ZC3H12B: variants seen among roughly 807,000 people sequenced by gnomAD.
ZC3H12B encodes the protein probable ribonuclease ZC3H12B.
Under a neutral mutation model 43.9 loss-of-function variants are expected in ZC3H12B, and 7 were observed. That is an observed-to-expected ratio of 0.16 (90% CI 0.09 to 0.30). The LOEUF is 0.30. ZC3H12B is among the 10% of genes least tolerant of loss of function. The probability of loss-of-function intolerance (pLI) is 1.00; values close to 1 mark genes in which losing one functional copy is unlikely to be tolerated. For synonymous variants in ZC3H12B, 222 were observed against 241.7 expected (o/e 0.92, Z 0.76); for missense variants, 475 against 670.2 (o/e 0.71, Z 3.22).
the ZC3H12B span, among the ~76,000 whole-genome samples, chrX:65,269,190 C>A: frequency 9.1e-6 from 1 of 109,776 alleles, no homozygotes; most frequent in South Asian, 3.9e-4. Flanking sequence ...ACTAAAAATA[C>A]AAAAATTAGC....
the ZC3H12B span, among the ~76,000 whole-genome samples, chrX:65,154,881 T>G: frequency 4.5e-5 from 5 of 111,785 alleles, no homozygotes; most frequent in Non-Finnish European, 3.8e-5. Context: ...TATTTCACCA[T>G]TAAGTAATGA....
the ZC3H12B span, chrX:65,357,026 T>C: frequency 4.1e-5 from 23 of 565,532 alleles, no homozygotes; most frequent in Non-Finnish European, 3.1e-6. Flanking sequence ...GGACCTAAAA[T>C]GAAAGTTCCA....
chrX:65,109,950 G>T, the ZC3H12B span, among the ~76,000 whole-genome samples: 1 of 111,364 alleles, frequency 9.0e-6, no homozygotes, highest in Non-Finnish European at 1.9e-5. Flanking sequence ...CAATGATGCT[G>T]AGCATCTTTT....
chrX:65,465,206 C>A (rs925124605), intron 3 of ZC3H12B, among the ~76,000 whole-genome samples: 1 of 110,870 alleles, frequency 9.0e-6, no homozygotes, highest in African/African-American at 3.3e-5. Flanking sequence ...GTATTAAAGA[C>A]CTCAAATATT....
At chrX:65,488,708 A>T, upstream of ZC3H12B, 1 of 1,045,567 alleles carries the variant, frequency 9.6e-7, no homozygotes, top group Non-Finnish European at 1.3e-6. Context: ...CGCTACCACG[A>T]CATTTTACTA....
chrX:65,059,219 A>ACCCCCCCCCC, the ZC3H12B span, among the ~76,000 whole-genome samples: 21 of 38,450 alleles, frequency 5.5e-4, no homozygotes, highest in Non-Finnish European at 8.3e-4. Flanking sequence ...TCTTGGAACC[A>ACCCCCCCCCC]CCCCCCCCCC....
chrX:65,445,257 T>C (rs1476581406), intron 3 of ZC3H12B, among the ~76,000 whole-genome samples: 1 of 112,293 alleles, frequency 8.9e-6, no homozygotes, highest in Non-Finnish European at 1.9e-5. Context: ...TGGATTGTCT[T>C]GATGCTTGAG....
At chrX:65,444,880 T>C (rs1002074086) in intron 3 of ZC3H12B, among the ~76,000 whole-genome samples, 1 of 111,699 alleles carries the variant, frequency 9.0e-6, no homozygotes, top group South Asian at 3.8e-4. Flanking sequence ...TTGCCATACT[T>C]TGTTGTTTTT....
chrX:65,435,773 C>T (rs1202564796), intron 3 of ZC3H12B, among the ~76,000 whole-genome samples: 1 of 111,354 alleles, frequency 9.0e-6, no homozygotes, highest in East Asian at 2.8e-4. Context: ...AGAAGTTCCA[C>T]AGTATACTGT....
the ZC3H12B span, among the ~76,000 whole-genome samples, chrX:65,242,410 G>C: frequency 9.0e-6 from 1 of 111,301 alleles, no homozygotes; most frequent in Admixed American, 9.6e-5. Flanking sequence ...ATAAAATAAA[G>C]TACCTAGAAA....
At chrX:65,074,674 TC>T in the ZC3H12B span, among the ~76,000 whole-genome samples, 1 of 112,158 alleles carries the variant, frequency 8.9e-6, no homozygotes, top group Non-Finnish European at 1.9e-5. Context: ...TGTTTTTGTT[TC>T]TCTGACTAAT....
chrX:65,281,388 G>C, the ZC3H12B span, among the ~76,000 whole-genome samples: 1 of 110,136 alleles, frequency 9.1e-6, no homozygotes, highest in African/African-American at 3.3e-5. Flanking sequence ...GTGTGATCTG[G>C]CTGATTTTTG....
intron 3 of ZC3H12B, among the ~76,000 whole-genome samples, chrX:65,448,085 A>T (rs189244526): frequency 9.0e-6 from 1 of 110,873 alleles, no homozygotes; most frequent in East Asian, 2.8e-4. Flanking sequence ...ACAAAAAAAA[A>T]TTAGCCGGGT....
the ZC3H12B span, among the ~76,000 whole-genome samples, chrX:65,320,434 A>G: frequency 8.9e-6 from 1 of 112,157 alleles, no homozygotes; most frequent in South Asian, 3.6e-4. Flanking sequence ...ATGCTCATGG[A>G]TAGGGAGAAT....
the ZC3H12B span, among the ~76,000 whole-genome samples, chrX:65,118,528 T>A: frequency 6.3e-5 from 7 of 111,654 alleles, no homozygotes; most frequent in Admixed American, 3.8e-4. Context: ...TTTGACTTCC[T>A]CTTTTCCTAA....
At chrX:65,454,338 C>T (rs190270441) in intron 3 of ZC3H12B, among the ~76,000 whole-genome samples, 1 of 112,563 alleles carries the variant, frequency 8.9e-6, no homozygotes, top group African/African-American at 3.2e-5. Flanking sequence ...TTATATCCCA[C>T]GCCTGGCTCG....
intron 3 of ZC3H12B, among the ~76,000 whole-genome samples, chrX:65,432,164 C>T (rs947326663): frequency 1.8e-5 from 2 of 111,696 alleles, no homozygotes; most frequent in Non-Finnish European, 3.8e-5. Flanking sequence ...CAGCTGGTCA[C>T]ATATATGCCA....
intron 3 of ZC3H12B, among the ~76,000 whole-genome samples, chrX:65,422,688 C>T (rs1458528842): frequency 9.1e-6 from 1 of 110,287 alleles, no homozygotes; most frequent in African/African-American, 3.3e-5. Flanking sequence ...CTCCCTTTGC[C>T]CCTCACTCCT....
At chrX:65,244,884 A>T in the ZC3H12B span, among the ~76,000 whole-genome samples, 3 of 111,162 alleles carry the variant, frequency 2.7e-5, no homozygotes, top group Non-Finnish European at 5.7e-5. Flanking sequence ...CAAACTTTTC[A>T]GTGTTTTACC....
Sources: allele counts gnomAD v4.1 joint callset (sites outside exome capture counted in the v4.1 genomes callset), GRCh38; gene constraint gnomAD v4.1.1; transcripts MANE v1.5; gene names NCBI Gene and HGNC (gene_info 2026-07-23, HGNC 2026-07-21).